Variants in CDH20 observed in about 807,000 individuals in gnomAD.
The protein encoded by CDH20 is cadherin-20.
Under a neutral mutation model 74.2 loss-of-function variants are expected in CDH20, and 29 were observed. The observed-to-expected ratio is 0.39, with a 90% confidence interval of 0.29 to 0.53. The LOEUF (loss-of-function observed/expected upper bound fraction) is 0.53. Ranked by LOEUF, CDH20 falls within the 20% of genes least tolerant of loss-of-function variation. The pLI is 0.69. For missense variants in CDH20, 988 were observed against 1,048.3 expected (o/e 0.94, Z 0.79); for synonymous variants, 469 against 405.4 (o/e 1.16, Z -1.88).
chr18:61,513,670 C>T (rs1911870587), intron 6 of CDH20, among the ~76,000 whole-genome samples: 1 of 152,176 alleles, frequency 6.6e-6, no homozygotes, highest in East Asian at 1.9e-4. Context: ...GCGCTTCCTT[C>T]AGGAGCTCTT....
intron 6 of CDH20, among the ~76,000 whole-genome samples, chr18:61,516,069 A>G (rs1292198674): frequency 6.6e-6 from 1 of 152,242 alleles, no homozygotes; most frequent in Admixed American, 6.5e-5. Flanking sequence ...ACTACTGCTT[A>G]GAAAGATCCC....
intron 6 of CDH20, among the ~76,000 whole-genome samples, chr18:61,512,431 T>C (rs1395469873): frequency 6.6e-6 from 1 of 152,218 alleles, no homozygotes; most frequent in Non-Finnish European, 1.5e-5. Flanking sequence ...TGAGATGTCA[T>C]GAATTATAAA....
In CDH20 at chr18:61,490,434, G is replaced by C. The variant is rs369649809; in HGVS notation, c.-120G>C. 657 of 954,848 alleles carry C rather than the reference G, an allele frequency of 6.9e-4. 6 individuals are homozygous for C. In the South Asian group the frequency reaches 9.8e-3, roughly 14 times the overall value. The allele number at this position is 954,848 out of a possible 1,614,324, so 59.1% of individuals were successfully genotyped here. A position where few individuals can be genotyped will look rare whatever the true frequency, so the allele number is the denominator to read the frequency against. On this transcript the variant is annotated 5_prime_UTR_variant, in exon 2 of 12. Transcript: ENST00000262717. Reference sequence around the variant, plus strand: ...ACTTCAAGCAGATTGACTTGAAACGGGATCTCATTTAGGAAGCATAAGTGT... The same window carrying C: ...ACTTCAAGCAGATTGACTTGAAACGCGATCTCATTTAGGAAGCATAAGTGT...
At chr18:61,352,224 G>A (rs1910328602) in intron 1 of CDH20, among the ~76,000 whole-genome samples, 1 of 152,174 alleles carries the variant, frequency 6.6e-6, no homozygotes, top group Non-Finnish European at 1.5e-5. Flanking sequence ...ATGTCTGTTT[G>A]TGACAGCAAC....
intron 1 of CDH20, among the ~76,000 whole-genome samples, chr18:61,447,920 G>A (rs990109499): frequency 8.5e-5 from 13 of 152,096 alleles, no homozygotes; most frequent in African/African-American, 2.7e-4. Flanking sequence ...CTGGGCAGCC[G>A]ATTTCTACCC....
At chr18:61,391,351 T>G (rs940015796) in intron 1 of CDH20, among the ~76,000 whole-genome samples, 1 of 152,198 alleles carries the variant, frequency 6.6e-6, no homozygotes, top group African/African-American at 2.4e-5. Context: ...GGAAGTCTTA[T>G]GCACTATTAG....
intron 1 of CDH20, among the ~76,000 whole-genome samples, chr18:61,453,577 C>G (rs1260504568): frequency 6.6e-6 from 1 of 152,224 alleles, no homozygotes; most frequent in Non-Finnish European, 1.5e-5. Context: ...CCACGCCCAG[C>G]CGATCTAACC....
chr18:61,398,618 T>C (rs959789436), intron 1 of CDH20, among the ~76,000 whole-genome samples: 2 of 152,140 alleles, frequency 1.3e-5, no homozygotes, highest in African/African-American at 4.8e-5. Flanking sequence ...GATGAGTTAT[T>C]ATGAATTTAA....
At chr18:61,404,041 T>C (rs1458582752) in intron 1 of CDH20, among the ~76,000 whole-genome samples, 1 of 152,044 alleles carries the variant, frequency 6.6e-6, no homozygotes, top group Admixed American at 6.5e-5. Flanking sequence ...TGAGAACACA[T>C]GGACACAGGG....
At chr18:61,341,929 C>G (rs1909965154) in intron 1 of CDH20, among the ~76,000 whole-genome samples, 1 of 152,086 alleles carries the variant, frequency 6.6e-6, no homozygotes, top group Non-Finnish European at 1.5e-5. Flanking sequence ...ATATTGGGAG[C>G]ATTTATTTCA....
At chr18:61,416,815 TGG>T (rs751858562) in intron 1 of CDH20, among the ~76,000 whole-genome samples, 3 of 152,156 alleles carry the variant, frequency 2.0e-5, no homozygotes, top group Non-Finnish European at 4.4e-5. Flanking sequence ...AAGCAAATAA[TGG>T]ATACTGGATG....
chr18:61,366,158 C>A (rs919529225), intron 1 of CDH20, among the ~76,000 whole-genome samples: 17 of 152,258 alleles, frequency 1.1e-4, no homozygotes, highest in African/African-American at 4.1e-4. Context: ...AAACTGACCT[C>A]CTAAATTCTC....
chr18:61,512,549 A>C (rs1911821785), intron 6 of CDH20, among the ~76,000 whole-genome samples: 1 of 152,240 alleles, frequency 6.6e-6, no homozygotes. Flanking sequence ...TCGTAGGCAC[A>C]GTTAGACAAA....
intron 1 of CDH20, among the ~76,000 whole-genome samples, chr18:61,337,914 A>G (rs576788252): frequency 1.2e-4 from 18 of 152,346 alleles, no homozygotes; most frequent in African/African-American, 3.4e-4. Flanking sequence ...TTAAGTGTCA[A>G]TGTTAAGTAT....
chr18:61,503,177 C>T (rs1911446014), intron 5 of CDH20, 57 bp downstream of exon 5: 3 of 1,354,776 alleles, frequency 2.2e-6, no homozygotes, highest in African/African-American at 2.9e-5. Flanking sequence ...GCACCCGTTG[C>T]AGAGGTGCGG....
At chr18:61,411,131 A>G (rs972825722) in intron 1 of CDH20, among the ~76,000 whole-genome samples, 1 of 151,908 alleles carries the variant, frequency 6.6e-6, no homozygotes, top group Non-Finnish European at 1.5e-5. Context: ...ACCGGAAGGC[A>G]GAGCTTGCAG....
chr18:61,354,980 G>C (rs960631470), intron 1 of CDH20, among the ~76,000 whole-genome samples: 1 of 152,212 alleles, frequency 6.6e-6, no homozygotes, highest in Non-Finnish European at 1.5e-5. Context: ...ACTGTGCTTA[G>C]GCGCTGGCCT....
chr18:61,551,211 A>G (rs1235548776), intron 11 of CDH20, among the ~76,000 whole-genome samples: 1 of 152,200 alleles, frequency 6.6e-6, no homozygotes, highest in Admixed American at 6.5e-5. Flanking sequence ...ACTCTTGCAA[A>G]AAAGAAAGTA....
Position 61,552,711 on chromosome 18 carries a change from T to C in CDH20, c.1901-1479T>C, listed in dbSNP as rs569796575. On this transcript the variant is annotated intron_variant, in intron 11 of 11. Coordinates refer to ENST00000262717, the MANE Select transcript of CDH20 (RefSeq NM_031891.4). ...ATCAGCATCCATAATCTCCTTAGATTACAAGCTCACAAGAGCAGAATCCAT... is the reference window on the plus strand; with the variant it reads ...ATCAGCATCCATAATCTCCTTAGATCACAAGCTCACAAGAGCAGAATCCAT... Among the ~76,000 whole-genome samples, 27 of 152,330 alleles carry C rather than the reference T, an allele frequency of 1.8e-4. No homozygotes were observed. In the South Asian group the frequency reaches 4.6e-3, roughly 26 times the overall value.
Sources: gnomAD v4.1 joint callset for allele counts (sites outside exome capture counted in the v4.1 genomes callset) on GRCh38, gnomAD v4.1.1 for gene constraint, MANE v1.5 for transcripts, NCBI Gene and HGNC (gene_info 2026-07-23, HGNC 2026-07-21) for gene names.